The following CAGE1 variants were observed in gnomAD, a reference collection of about 807,000 sequenced individuals.
The protein encoded by CAGE1 is cancer-associated gene 1 protein.
A neutral mutation model predicts 94.9 loss-of-function variants in CAGE1; 66 were observed. That is an observed-to-expected ratio of 0.70 (90% confidence interval 0.57 to 0.85). The LOEUF (loss-of-function observed/expected upper bound fraction) is 0.85. Ranked by LOEUF, CAGE1 falls within the 40% of genes least tolerant of loss-of-function variation. The pLI, the probability that CAGE1 is intolerant of heterozygous loss-of-function variation, is 0.00. For missense variants in CAGE1, 865 were observed against 950.4 expected (o/e 0.91, Z 1.18); for synonymous variants, 319 against 321.0 (o/e 0.99, Z 0.07).
Position 7,373,452 on chromosome 6 carries a change from T to C in CAGE1, c.1367A>G (p.Gln456Arg), listed in dbSNP as rs916552780. The change falls in exon 5 of 14, where the codon CAA (glutamine) becomes CGA (arginine). Residue 456 changes from glutamine (Q) to arginine (R), a missense_variant. Gln to Arg is a conservative substitution (Grantham distance 43). Transcript: ENST00000502583. ...CTTTTCCAGTTCTTTTTTGAGTTGT[T>C]GTAGTCTCTCTACCTCTTCTTCTTT... ...SKKEEEVERL[Q>R]QLKKELEKAT... is the part of the protein sequence containing the mutation. The C allele has an allele frequency of 1.2e-6, 2 of 1,613,940 alleles. No homozygotes were observed. The highest frequency in any genetic ancestry group is 1.7e-6 in the Non-Finnish European group (2 of 1,179,858).
At chr6:7,371,037 A>G (rs1267682714) in intron 5 of CAGE1, among the ~76,000 whole-genome samples, 1 of 152,210 alleles carries the variant, frequency 6.6e-6, no homozygotes, top group Non-Finnish European at 1.5e-5. Flanking sequence ...CTGTACAATT[A>G]AACTAATTCA....
At chr6:7,337,314 G>A (rs1246335360) in intron 11 of CAGE1, among the ~76,000 whole-genome samples, 2 of 132,966 alleles carry the variant, frequency 1.5e-5, no homozygotes, top group Non-Finnish European at 3.1e-5. Context: ...GTGACAGAGT[G>A]AGACTGTCTC....
chr6:7,331,336 T>C, intron 12 of CAGE1: 3 of 1,066,090 alleles, frequency 2.8e-6, no homozygotes, highest in East Asian at 3.3e-5. Flanking sequence ...AAGAGACCCG[T>C]AAGTCTGGAC....
chr6:7,365,452 A>T lies in CAGE1; in HGVS notation c.2193+16T>A, dbSNP rs745731899. 1 of 1,602,952 alleles carries T rather than the reference A, an allele frequency of 6.2e-7. No individual in the cohort carries two copies. The highest frequency in any genetic ancestry group is 2.2e-5 in the East Asian group (1 of 44,736). ...TGTATAAAAATAATAGCAAGGTAAA[A>T]AAAGGTCTTTCTTACCAAGAAATCA... On this transcript the variant is annotated intron_variant, in intron 9 of 13. Transcript: ENST00000502583.
At chr6:7,328,409 C>T (rs1168581246) in intron 13 of CAGE1, among the ~76,000 whole-genome samples, 1 of 152,124 alleles carries the variant, frequency 6.6e-6, no homozygotes. Context: ...GGAGACAGAG[C>T]AGGAAAAGCT....
chr6:7,386,437 G>A (rs760583866), intron 2 of CAGE1, among the ~76,000 whole-genome samples: 1 of 152,190 alleles, frequency 6.6e-6, no homozygotes, highest in African/African-American at 2.4e-5. Flanking sequence ...GCAGGGTGCT[G>A]TCAATGTCAT....
intron 3 of CAGE1, among the ~76,000 whole-genome samples, 193 bp downstream of exon 3, chr6:7,385,592 C>T (rs922404188): frequency 4.6e-5 from 7 of 152,156 alleles, no homozygotes; most frequent in African/African-American, 1.7e-4. Context: ...CCTTATTTTC[C>T]TTATCTGTAA....
intron 11 of CAGE1, chr6:7,338,734 G>C (rs1759055793): frequency 1.5e-6 from 1 of 669,578 alleles, no homozygotes; most frequent in Admixed American, 2.3e-5. Context: ...AGTCCCCAAA[G>C]TCCACTGTAT....
rs773053959 is a variant in CAGE1, at chr6:7,378,962, G to C, written c.342C>G (p.Ser114Arg). The C allele has an allele frequency of 6.4e-7, 1 of 1,574,322 alleles. No homozygotes were observed. The highest frequency in any genetic ancestry group is 1.2e-5 in the South Asian group (1 of 86,424). ...NALIQPVDTI[S>R]ISSLRQFETV... ...TTTCAAATTGTCTCAAGGAAGATAT[G>C]CTGATGGTGTCAACTGGCTGAATTA... Residue 114 changes from serine to arginine, a missense_variant, in exon 4 of 14, where the codon AGC (serine) becomes AGG (arginine). Physicochemically the swap from Ser to Arg is moderately radical, Grantham distance 110. Transcript: ENST00000502583.
At chr6:7,386,928 T>C in intron 2 of CAGE1, 51 bp downstream of exon 2, 2 of 1,201,276 alleles carry the variant, frequency 1.7e-6, no homozygotes, top group Non-Finnish European at 2.4e-6. Context: ...TGGAAGACAA[T>C]GTGAATTCTG....
intron 9 of CAGE1, among the ~76,000 whole-genome samples, chr6:7,357,984 G>A (rs1439091684): frequency 7.1e-6 from 1 of 141,754 alleles, no homozygotes; most frequent in Non-Finnish European, 1.5e-5. Context: ...AGTAGAGACG[G>A]GGTTTCACCA....
In CAGE1 at chr6:7,352,297, A is replaced by C. The variant is rs1194131052; in HGVS notation, c.2369+2744T>G. On this transcript the variant is annotated intron_variant, in intron 11 of 13. Transcript: ENST00000502583. ...GCCTTTTTACAATAGCTGCAAAAAAAAAAAAAAACAAAAAAAAACAAAAAA... is the reference window on the plus strand; with the variant it reads ...GCCTTTTTACAATAGCTGCAAAAAACAAAAAAAACAAAAAAAAACAAAAAA... Among the ~76,000 whole-genome samples the C allele has an allele frequency of 1.7e-5, 2 of 118,626 alleles. 1 individual carries two copies. The highest frequency in any genetic ancestry group is 5.2e-4 in the East Asian group (2 of 3,834). 77.8% of individuals were successfully genotyped at this position (118,626 alleles called of 152,430 possible).
intron 11 of CAGE1, chr6:7,338,800 A>G (rs1405752231): frequency 4.8e-6 from 4 of 841,978 alleles, no homozygotes; most frequent in Non-Finnish European, 8.2e-6. Flanking sequence ...TTACAGAGCA[A>G]CATCCAGACT....
At chr6:7,352,507 A>G (rs1339907929) in intron 11 of CAGE1, among the ~76,000 whole-genome samples, 1 of 152,110 alleles carries the variant, frequency 6.6e-6, no homozygotes, top group Non-Finnish European at 1.5e-5. Context: ...CCCCATCAAA[A>G]CACTACCATC....
intron 11 of CAGE1, among the ~76,000 whole-genome samples, chr6:7,337,089 G>A (rs7454985): frequency 0.09 from 13,618 of 151,998 alleles, 1,403 homozygotes; most frequent in African/African-American, 0.25. Context: ...TTGGGAGGCC[G>A]AGGTGGGTGG....
intron 9 of CAGE1, among the ~76,000 whole-genome samples, chr6:7,356,884 C>T (rs1467382505): frequency 3.3e-5 from 5 of 152,104 alleles, no homozygotes; most frequent in African/African-American, 1.2e-4. Flanking sequence ...GCAACCTCTA[C>T]CTCCCAGGTT....
At chr6:7,364,896 T>C (rs1317947159) in intron 9 of CAGE1, among the ~76,000 whole-genome samples, 1 of 152,230 alleles carries the variant, frequency 6.6e-6, no homozygotes, top group Non-Finnish European at 1.5e-5. Context: ...TTTTTAATCA[T>C]TTAAAAAATA....
Position 7,326,739 on chromosome 6 carries a change from T to C in CAGE1, c.*119A>G. 1 of 754,678 alleles carries C rather than the reference T, an allele frequency of 1.3e-6. No individual in the cohort carries two copies. Among genetic ancestry groups the C allele is most frequent in the Non-Finnish European group, 2.3e-6 (1 of 428,678 alleles). 46.7% of individuals were successfully genotyped at this position (754,678 alleles called of 1,614,324 possible). On this transcript the variant is annotated 3_prime_UTR_variant, in exon 14 of 14. Coordinates refer to ENST00000502583, the MANE Select transcript of CAGE1 (RefSeq NM_001170692.2). ...AATCACATCTTTGGAATGTAAGACT[T>C]TACCCTTTATACAGATTTTAATATA...
chr6:7,345,919 C>A (rs1053559155), intron 11 of CAGE1, among the ~76,000 whole-genome samples: 1 of 151,486 alleles, frequency 6.6e-6, no homozygotes, highest in African/African-American at 2.4e-5. Flanking sequence ...AACGAGAGTC[C>A]ATCTCAAAAA....
Sources: gnomAD v4.1 joint callset for allele counts (sites outside exome capture counted in the v4.1 genomes callset) on GRCh38, gnomAD v4.1.1 for gene constraint, MANE v1.5 for transcripts, NCBI Gene and HGNC (gene_info 2026-07-23, HGNC 2026-07-21) for gene names.